ADCY2: variants seen among roughly 807,000 people sequenced by gnomAD.
The protein encoded by ADCY2 is adenylate cyclase type 2.
In ADCY2, 31 loss-of-function variants were observed where a neutral mutation model predicts 125.2. The ratio of observed to expected loss-of-function variants is 0.25; its 90% CI spans 0.19 to 0.33. The LOEUF (loss-of-function observed/expected upper bound fraction) is 0.33. Among genes scored for constraint, ADCY2 ranks in the 10% least tolerant of loss-of-function variants. The pLI is 1.00. For synonymous variants in ADCY2, 512 were observed against 548.4 expected (o/e 0.93, Z 0.93); for missense variants, 904 against 1,418.2 (o/e 0.64, Z 5.82).
chr5:7,673,882 A>G (rs1740023930), intron 4 of ADCY2, among the ~76,000 whole-genome samples: 1 of 152,140 alleles, frequency 6.6e-6, no homozygotes, highest in South Asian at 2.1e-4. Flanking sequence ...CATGTCTGTG[A>G]GGCCACTGGA....
At chr5:7,659,875 C>T (rs1739464815) in intron 4 of ADCY2, among the ~76,000 whole-genome samples, 1 of 152,158 alleles carries the variant, frequency 6.6e-6, no homozygotes, top group Non-Finnish European at 1.5e-5. Flanking sequence ...AATAAATTGG[C>T]TATAACCAGA....
intron 3 of ADCY2, among the ~76,000 whole-genome samples, chr5:7,537,830 C>T (rs1734865289): frequency 6.6e-6 from 1 of 152,242 alleles, no homozygotes; most frequent in Admixed American, 6.5e-5. Flanking sequence ...ATTCTGAGCT[C>T]TGCAGATGCT....
chr5:7,793,304 A>C (rs1410021282), intron 20 of ADCY2, among the ~76,000 whole-genome samples: 1 of 152,200 alleles, frequency 6.6e-6, no homozygotes. Flanking sequence ...AAAACAAGTT[A>C]GCCGGGCATG....
chr5:7,592,627 G>T lies in ADCY2; in HGVS notation c.571-33540G>T, dbSNP rs186232358. Among the ~76,000 whole-genome samples the T allele has an allele frequency of 2.6e-3, 391 of 152,266 alleles. 3 individuals are homozygous for T. The highest frequency in any genetic ancestry group is 7.7e-3 in the Admixed American group (118 of 15,294). On this transcript the variant is annotated intron_variant, in intron 3 of 24. Coordinates refer to ENST00000338316, the MANE Select transcript of ADCY2 (RefSeq NM_020546.3). Reference sequence around the variant, plus strand: ...ATAAGATAAGTAAAATAGTAAGGAAGACCTTCCTTCCGTGTAATGATAACA... The same window carrying T: ...ATAAGATAAGTAAAATAGTAAGGAATACCTTCCTTCCGTGTAATGATAACA...
intron 24 of ADCY2, among the ~76,000 whole-genome samples, chr5:7,822,073 A>C (rs938263236): frequency 7.9e-5 from 12 of 152,230 alleles, no homozygotes; most frequent in African/African-American, 2.9e-4. Flanking sequence ...AGTTCATTCC[A>C]GTATTCGGAA....
chr5:7,511,285 G>A (rs1463417890), intron 2 of ADCY2, among the ~76,000 whole-genome samples: 2 of 152,112 alleles, frequency 1.3e-5, no homozygotes, highest in Non-Finnish European at 2.9e-5. Flanking sequence ...ATGATATAAA[G>A]AATGTAGGGG....
intron 4 of ADCY2, among the ~76,000 whole-genome samples, chr5:7,631,932 A>G (rs1738323454): frequency 2.0e-5 from 3 of 152,168 alleles, no homozygotes; most frequent in Non-Finnish European, 4.4e-5. Flanking sequence ...GGACCTTACG[A>G]GGACTCATCA....
Position 7,414,624 on chromosome 5 carries a change from A to G in ADCY2, c.262A>G (p.Ile88Val), listed in dbSNP as rs752964163. The part of the protein sequence containing the change: ...FLITVPTALA[I>V]FFAIFILVCI... ...AATAACAGTTCCAACTGCCCTGGCG[A>G]TTTTCTTTGCGATATTTATCCTGGT... The change falls in exon 2 of 25, where the codon ATT becomes GTT. Residue 88 changes from isoleucine (I) to valine (V), a missense_variant. By Grantham distance (29) the Ile-to-Val change is conservative. Transcript: ENST00000338316. 1.9e-6 allele frequency: 3 copies of G among 1,612,532 alleles called. No homozygotes were observed. The highest frequency in any genetic ancestry group is 3.3e-5 in the Admixed American group (2 of 59,724).
chr5:7,687,727 C>G (rs1465146456), intron 4 of ADCY2, among the ~76,000 whole-genome samples: 2 of 152,130 alleles, frequency 1.3e-5, no homozygotes, highest in African/African-American at 2.4e-5. Flanking sequence ...TACAGTGACC[C>G]CCAAGCAAGG....
At chr5:7,404,454 C>T (rs1014595612) in intron 1 of ADCY2, among the ~76,000 whole-genome samples, 5 of 152,244 alleles carry the variant, frequency 3.3e-5, no homozygotes, top group Middle Eastern at 3.4e-3. Flanking sequence ...TCAAGATACA[C>T]GGTAAAGATG....
rs1206026698 is a variant in ADCY2 at position 7,666,430 on chromosome 5, G to A, written c.721-24261G>A. Among the ~76,000 whole-genome samples the A allele has an allele frequency of 8.6e-5, 13 of 151,770 alleles. No homozygotes were observed. The East Asian group carries it at 1.4e-3, about 16-fold the overall frequency. The stretch of plus-strand genomic sequence containing the variant: ...ACTACAGGCGCCCGCCACCACGCCC[G>A]GCTAATTTTTTATATTTTTAGTAGA... On this transcript the variant is annotated intron_variant, in intron 4 of 24. Coordinates refer to ENST00000338316, the MANE Select transcript of ADCY2 (RefSeq NM_020546.3).
intron 4 of ADCY2, among the ~76,000 whole-genome samples, chr5:7,655,970 A>T (rs2973320): frequency 6.6e-6 from 1 of 151,614 alleles, no homozygotes; most frequent in Non-Finnish European, 1.5e-5. Flanking sequence ...GGTATTTGTG[A>T]TGTTAACATG....
At chr5:7,648,400 G>C (rs1738973870) in intron 4 of ADCY2, among the ~76,000 whole-genome samples, 1 of 152,054 alleles carries the variant, frequency 6.6e-6, no homozygotes, top group Admixed American at 6.6e-5. Flanking sequence ...GCATTTACGG[G>C]GAAGAATACT....
intron 6 of ADCY2, among the ~76,000 whole-genome samples, chr5:7,696,279 C>A (rs1178837192): frequency 6.6e-6 from 1 of 152,142 alleles, no homozygotes; most frequent in Non-Finnish European, 1.5e-5. Context: ...TAAGCAGGAC[C>A]CTGGAAGAGT....
At chr5:7,623,188 T>C (rs1301473761) in intron 3 of ADCY2, among the ~76,000 whole-genome samples, 1 of 152,250 alleles carries the variant, frequency 6.6e-6, no homozygotes, top group Non-Finnish European at 1.5e-5. Flanking sequence ...GTTTTTATTT[T>C]GGAGAAATGT....
In ADCY2 at chr5:7,693,926, CTT is replaced by C. The variant is rs1398187872; in HGVS notation, c.870-1824_870-1823del. Reference sequence around the variant, plus strand: ...CCAATACTGCTTTGAATCAGGGACTCTTTCTCTGAGCGAGCATCGTTCATCCT... The same window carrying C: ...CCAATACTGCTTTGAATCAGGGACTCTCTCTGAGCGAGCATCGTTCATCCT... On this transcript the variant is annotated intron_variant, in intron 5 of 24. Coordinates refer to ENST00000338316, the MANE Select transcript of ADCY2 (RefSeq NM_020546.3). Among the ~76,000 whole-genome samples, 13 of 152,324 alleles carry C rather than the reference CTT, an allele frequency of 8.5e-5. No individual in the cohort carries two copies. The East Asian group carries it at 2.3e-3, about 27-fold the overall frequency.
intron 22 of ADCY2, among the ~76,000 whole-genome samples, chr5:7,812,029 G>A (rs974667679): frequency 2.6e-5 from 4 of 152,204 alleles, no homozygotes; most frequent in African/African-American, 9.6e-5. Context: ...CAATTCCTGT[G>A]TGAGGTGGGC....
At chr5:7,480,258 C>T (rs1338813956) in intron 2 of ADCY2, among the ~76,000 whole-genome samples, 1 of 150,546 alleles carries the variant, frequency 6.6e-6, no homozygotes, top group Admixed American at 6.7e-5. Flanking sequence ...TGGGTATATA[C>T]CCAAAGGAAT....
At chr5:7,475,297 G>A (rs1300712136) in intron 2 of ADCY2, among the ~76,000 whole-genome samples, 1 of 152,190 alleles carries the variant, frequency 6.6e-6, no homozygotes, top group Non-Finnish European at 1.5e-5. Flanking sequence ...AGGGGTCACT[G>A]TATCCGTGGT....
Sources: gnomAD v4.1 joint callset for allele counts (sites outside exome capture counted in the v4.1 genomes callset) on GRCh38, gnomAD v4.1.1 for gene constraint, MANE v1.5 for transcripts, NCBI Gene and HGNC (gene_info 2026-07-23, HGNC 2026-07-21) for gene names.